The following GLRX3 variants were observed in gnomAD, a reference collection of about 807,000 sequenced individuals.
GLRX3 encodes glutaredoxin-3.
A neutral mutation model predicts 49.5 loss-of-function variants in GLRX3; 22 were observed. That is an observed-to-expected ratio of 0.44 (90% CI 0.32 to 0.63). The LOEUF is 0.63. GLRX3 is among the 30% of genes least tolerant of loss of function. GLRX3 has a pLI of 0.05. For synonymous variants in GLRX3, 133 were observed against 140.0 expected (o/e 0.95, Z 0.35); for missense variants, 385 against 396.3 (o/e 0.97, Z 0.24).
chr10:130,175,674 G>C (rs1035583360), intron 10 of GLRX3, among the ~76,000 whole-genome samples: 1 of 152,236 alleles, frequency 6.6e-6, no homozygotes, highest in South Asian at 2.1e-4. Flanking sequence ...GGATGGATAA[G>C]TGACTTTACT....
intron 2 of GLRX3, among the ~76,000 whole-genome samples, chr10:130,153,423 C>T (rs1283405792): frequency 6.6e-6 from 1 of 152,186 alleles, no homozygotes; most frequent in Non-Finnish European, 1.5e-5. Context: ...GGTTTCTCCC[C>T]ATCTTTGTGG....
At chr10:130,159,818 G>C (rs1862540105) in intron 2 of GLRX3, 177 bp from the exon 3 acceptor site, 1 of 1,359,376 alleles carries the variant, frequency 7.4e-7, no homozygotes, top group East Asian at 2.6e-5. Flanking sequence ...AAACTCAGTG[G>C]ATGACATGCC....
chr10:130,151,603 T>C (rs1053944022), intron 2 of GLRX3, among the ~76,000 whole-genome samples: 1 of 152,080 alleles, frequency 6.6e-6, no homozygotes. Context: ...CTCCCACTTA[T>C]GAGTGAGAAC....
rs1288621590 is a variant in GLRX3 at position 130,136,478 on chromosome 10, G to A, written c.58G>A (p.Gly20Arg). The change falls in exon 1 of 11, where the codon GGG becomes AGG. Residue 20 changes from glycine to arginine, a missense_variant. Physicochemically the swap from Gly to Arg is moderately radical, Grantham distance 125 (BLOSUM62 -2). Around this residue, in one of 2 missense-constraint regions of GLRX3, gnomAD observed 374 missense variants for 358.6 expected, o/e 1.04. Coordinates refer to ENST00000331244, the MANE Select transcript of GLRX3 (RefSeq NM_006541.5). ...GGCCGTGGAGGAGGTCGGCTCAGCC[G>A]GGCAGTTTGAGGAGCTGCTGCGCCT... Reference protein sequence around the residue: ...VAAVEEVGSAGQFEELLRLKA... With the variant: ...VAAVEEVGSARQFEELLRLKA... 1 of 1,266,994 alleles carries A rather than the reference G, an allele frequency of 7.9e-7. No homozygotes were observed. The highest frequency in any genetic ancestry group is 3.1e-4 in the Middle Eastern group (1 of 3,274). The allele number at this position is 1,266,994 out of a possible 1,614,324, so 78.5% of individuals were successfully genotyped here.
chr10:130,157,393 G>GAGAA (rs368824766), intron 2 of GLRX3, among the ~76,000 whole-genome samples: 1,916 of 149,806 alleles, frequency 0.013, 69 homozygotes, highest in African/African-American at 0.044. Context: ...GAGGGAGAGA[G>GAGAA]AGAAAGAGGG....
chr10:130,149,352 G>T (rs921112842), intron 2 of GLRX3, among the ~76,000 whole-genome samples: 3 of 151,664 alleles, frequency 2.0e-5, no homozygotes, highest in African/African-American at 7.3e-5. Context: ...CGAGGCAGGA[G>T]AATCATTTCA....
chr10:130,174,891 A>G lies in GLRX3; in HGVS notation c.849A>G (p.Ile283Met). The change falls in exon 9 of 11, where the codon ATA (isoleucine) becomes ATG (methionine). Residue 283 changes from isoleucine to methionine, a missense_variant. This residue lies in a region of GLRX3 where 374 missense variants were observed against 358.6 expected (regional missense o/e 1.04). Coordinates refer to ENST00000331244, the MANE Select transcript of GLRX3 (RefSeq NM_006541.5). ...STGVEYETFD[I>M]LEDEEVRQGL... ...GTGTTGAATATGAAACATTCGATAT[A>G]TTGGAGGATGAAGAAGTAAGTTCTG... 2 of 1,598,640 alleles carry G rather than the reference A, an allele frequency of 1.3e-6. No homozygotes were observed. The highest frequency in any genetic ancestry group is 1.7e-6 in the Non-Finnish European group (2 of 1,165,852).
At chr10:130,138,345 C>T (rs1862106385) in intron 1 of GLRX3, among the ~76,000 whole-genome samples, 1 of 152,144 alleles carries the variant, frequency 6.6e-6, no homozygotes, top group Non-Finnish European at 1.5e-5. Context: ...AGGCTTGAGC[C>T]CCCGTGACCT....
intron 4 of GLRX3, among the ~76,000 whole-genome samples, chr10:130,166,301 T>C (rs1232721070): frequency 6.6e-6 from 1 of 151,684 alleles, no homozygotes; most frequent in African/African-American, 2.4e-5. Flanking sequence ...CATATCTGAG[T>C]GTGTGATATG....
At chr10:130,169,227 G>A (rs1278221546) in intron 6 of GLRX3, among the ~76,000 whole-genome samples, 1 of 152,102 alleles carries the variant, frequency 6.6e-6, no homozygotes, top group African/African-American at 2.4e-5. Flanking sequence ...AACATTCGTT[G>A]CCTTAAAAGC....
chr10:130,169,977 A>T (rs1862773338), intron 7 of GLRX3, among the ~76,000 whole-genome samples: 1 of 152,204 alleles, frequency 6.6e-6, no homozygotes, highest in Admixed American at 6.5e-5. Flanking sequence ...CTCATTTTTA[A>T]TGGGATGGTT....
intron 2 of GLRX3, among the ~76,000 whole-genome samples, chr10:130,150,236 T>G (rs1447401667): frequency 1.5e-5 from 2 of 134,596 alleles, no homozygotes; most frequent in Non-Finnish European, 3.2e-5. Context: ...CAAGACTCCA[T>G]CTCAAAAAAA....
At chr10:130,151,620 T>G (rs1862378692) in intron 2 of GLRX3, among the ~76,000 whole-genome samples, 1 of 151,682 alleles carries the variant, frequency 6.6e-6, no homozygotes, top group African/African-American at 2.4e-5. Context: ...GAACATGTGG[T>G]GTTTGGTTTT....
chr10:130,174,949 T>C, intron 9 of GLRX3, 43 bp downstream of exon 9: 1 of 1,567,568 alleles, frequency 6.4e-7, no homozygotes, highest in Non-Finnish European at 8.8e-7. Flanking sequence ...TTAGCTTTAA[T>C]CTTAAGGGCC....
intron 1 of GLRX3, among the ~76,000 whole-genome samples, chr10:130,144,757 T>C (rs980383389): frequency 6.6e-6 from 1 of 152,272 alleles, no homozygotes; most frequent in African/African-American, 2.4e-5. Context: ...TAAATAGTGC[T>C]GCAATAACAT....
At chr10:130,171,483 A>G (rs1862807220) in intron 7 of GLRX3, 101 bp from the exon 8 acceptor site, 2 of 751,806 alleles carry the variant, frequency 2.7e-6, no homozygotes, top group East Asian at 2.5e-5. Context: ...AGTGGCAGCT[A>G]TGCTGGACAA....
intron 2 of GLRX3, among the ~76,000 whole-genome samples, chr10:130,157,083 GT>G (rs954786983): frequency 1.3e-5 from 2 of 152,106 alleles, no homozygotes; most frequent in African/African-American, 4.8e-5. Context: ...GTTAGTTAGG[GT>G]TCTCTAGAGA....
At chr10:130,165,923 C>T (rs1315504149) in intron 4 of GLRX3, among the ~76,000 whole-genome samples, 3 of 152,198 alleles carry the variant, frequency 2.0e-5, no homozygotes, top group African/African-American at 4.8e-5. Context: ...AAGTGCTGAG[C>T]GGAGGCCACC....
intron 4 of GLRX3, among the ~76,000 whole-genome samples, chr10:130,163,725 A>G (rs1275183420): frequency 6.6e-6 from 1 of 152,208 alleles, no homozygotes; most frequent in Non-Finnish European, 1.5e-5. Context: ...ATGGGAACAT[A>G]AGTCACCTCG....
Sources: allele counts gnomAD v4.1 joint callset (sites outside exome capture counted in the v4.1 genomes callset), GRCh38; gene constraint gnomAD v4.1.1; regional missense constraint gnomAD v4.1.1; transcripts MANE v1.5; gene names NCBI Gene and HGNC (gene_info 2026-07-23, HGNC 2026-07-21).